Variants in WDTC1 observed in about 807,000 individuals in gnomAD.
The protein encoded by WDTC1 is WD and tetratricopeptide repeats protein 1.
Under a neutral mutation model 76.0 loss-of-function variants are expected in WDTC1, and 12 were observed. The ratio of observed to expected loss-of-function variants is 0.16; its 90% CI spans 0.10 to 0.26. The LOEUF is 0.26. WDTC1 is among the 10% of genes least tolerant of loss of function. WDTC1 has a pLI of 1.00. For synonymous variants in WDTC1, 326 were observed against 350.8 expected, an observed-to-expected ratio of 0.93 and a Z score of 0.79; for missense variants, 511 against 908.8, an observed-to-expected ratio of 0.56 and a Z score of 5.63.
At position 27,276,075 on chromosome 1, in the gene WDTC1, A is replaced by G. The variant is rs1000013999; in HGVS notation, c.133-6164A>G. On this transcript the variant is annotated intron_variant, in intron 3 of 15. Transcript: ENST00000319394. ...TCTGTACTTCTCTTTTTTGCGGCCA[A>G]ATAGCATTCCATCATTTGGATGTAC... 9.9e-5 allele frequency among the ~76,000 whole-genome samples: 15 copies of G among 152,274 alleles called. 1 individual carries two copies. The highest frequency in any genetic ancestry group is 6.8e-3 in the Middle Eastern group (2 of 294).
At chr1:27,240,166 C>G (rs1428688524) in intron 1 of WDTC1, among the ~76,000 whole-genome samples, 6 of 152,168 alleles carry the variant, frequency 3.9e-5, no homozygotes, top group Non-Finnish European at 8.8e-5. Context: ...GCTGGGATTA[C>G]AGGCATGAGC....
intron 5 of WDTC1, among the ~76,000 whole-genome samples, chr1:27,283,830 C>T (rs1358746550): frequency 6.6e-6 from 1 of 152,172 alleles, no homozygotes; most frequent in Non-Finnish European, 1.5e-5. Flanking sequence ...AAAAAGGAAG[C>T]AGCGAAGGAA....
In WDTC1 at chr1:27,282,294, G is replaced by A; in HGVS notation, c.179+9G>A. The stretch of plus-strand genomic sequence containing the variant: ...TGGAATGAGAAAGGAGAGTAAGTAT[G>A]AGCTAGAGCACCTGAAGGGTGCTGG... On this transcript the variant is annotated intron_variant, in intron 4 of 15. Coordinates refer to ENST00000319394, the MANE Select transcript of WDTC1 (RefSeq NM_001276252.2). 1.9e-6 allele frequency: 3 copies of A among 1,613,626 alleles called. No homozygotes were observed. Among genetic ancestry groups the A allele is most frequent in the Non-Finnish European group, 2.5e-6 (3 of 1,179,666 alleles).
chr1:27,243,573 CTCTG>C (rs1284619612), intron 1 of WDTC1, among the ~76,000 whole-genome samples: 3 of 152,088 alleles, frequency 2.0e-5, no homozygotes, highest in Non-Finnish European at 2.9e-5. Flanking sequence ...TAGGTTGACT[CTCTG>C]TCTAAGAACT....
At chr1:27,249,132 A>T (rs1222594797) in intron 1 of WDTC1, among the ~76,000 whole-genome samples, 1 of 151,984 alleles carries the variant, frequency 6.6e-6, no homozygotes, top group East Asian at 1.9e-4. Flanking sequence ...AGCCGAGCAT[A>T]ATGGTGCATG....
intron 5 of WDTC1, among the ~76,000 whole-genome samples, chr1:27,284,181 C>T (rs1260530575): frequency 2.0e-5 from 3 of 152,136 alleles, no homozygotes; most frequent in Admixed American, 1.3e-4. Flanking sequence ...AAAGAAAGAA[C>T]TGTCTAATGC....
chr1:27,266,583 T>C (rs1402319199), intron 3 of WDTC1, among the ~76,000 whole-genome samples: 1 of 152,204 alleles, frequency 6.6e-6, no homozygotes, highest in East Asian at 1.9e-4. Flanking sequence ...CTGCTATTAT[T>C]GTTGTTATTT....
Position 27,304,995 on chromosome 1 carries a change from C to A in WDTC1, c.1644-6C>A. 1 of 1,609,120 alleles carries A rather than the reference C, an allele frequency of 6.2e-7. No individual in the cohort carries two copies. The highest frequency in any genetic ancestry group is 8.5e-7 in the Non-Finnish European group (1 of 1,176,430). On this transcript the variant is annotated splice_polypyrimidine_tract_variant and splice_region_variant and intron_variant, in intron 14 of 15. Transcript: ENST00000319394. The stretch of plus-strand genomic sequence containing the variant: ...CTGACCTCCCTGCCCTTTGCCCCCC[C>A]GCCAGCAACGCTCAGTATATCGTCA...
intron 3 of WDTC1, among the ~76,000 whole-genome samples, chr1:27,263,791 T>G (rs2012563971): frequency 6.6e-6 from 1 of 152,162 alleles, no homozygotes; most frequent in East Asian, 1.9e-4. Flanking sequence ...CATACCACTA[T>G]TTTTACTATT....
chr1:27,295,915 G>A (rs2013670982), intron 9 of WDTC1, among the ~76,000 whole-genome samples: 2 of 151,994 alleles, frequency 1.3e-5, no homozygotes, highest in Admixed American at 1.3e-4. Flanking sequence ...ACAGGCACAC[G>A]CCACCACACC....
intron 5 of WDTC1, among the ~76,000 whole-genome samples, chr1:27,283,888 A>G (rs1179638449): frequency 6.6e-6 from 1 of 152,232 alleles, no homozygotes; most frequent in Non-Finnish European, 1.5e-5. Context: ...AGGAAATAAC[A>G]GTCTACAAGG....
Position 27,234,947 on chromosome 1 carries a change from G to T in WDTC1, c.-104G>T. 1 of 392,730 alleles carries T rather than the reference G, an allele frequency of 2.5e-6. No homozygotes were observed. The highest frequency in any genetic ancestry group is 4.5e-6 in the Non-Finnish European group (1 of 222,154). 24.3% of individuals were successfully genotyped at this position (392,730 alleles called of 1,614,324 possible). A position where few individuals can be genotyped will look rare whatever the true frequency, so the allele number is the denominator to read the frequency against. On this transcript the variant is annotated 5_prime_UTR_variant, in exon 1 of 16. Coordinates refer to ENST00000319394, the MANE Select transcript of WDTC1 (RefSeq NM_001276252.2). ...CGCTGCCGGTCGGGGGAAGAGACCT[G>T]ACAGGTACGGGTCACCGCCGCCCCC...
At position 27,260,989 on chromosome 1, in the gene WDTC1, G is replaced by T; in HGVS notation, c.-66G>T. On this transcript the variant is annotated 5_prime_UTR_variant, in exon 2 of 16. Transcript: ENST00000319394. The stretch of plus-strand genomic sequence containing the variant: ...ATGTGTATTTTGTGGACCTGGGCTT[G>T]GCTGGAATGCTCAGGGGTCCTGAAG... 1 of 1,566,014 alleles carries T rather than the reference G, an allele frequency of 6.4e-7. No homozygotes were observed.
chr1:27,285,744 ACC>A (rs989747267), intron 5 of WDTC1, among the ~76,000 whole-genome samples: 17 of 149,564 alleles, frequency 1.1e-4, no homozygotes, highest in African/African-American at 3.9e-4. Context: ...ACACCACCAC[ACC>A]CGGCTAATTT....
intron 3 of WDTC1, among the ~76,000 whole-genome samples, chr1:27,278,633 C>G (rs1370269499): frequency 1.3e-5 from 2 of 152,194 alleles, no homozygotes. Flanking sequence ...ATGCTCTAAC[C>G]ACATTGGCTT....
At chr1:27,261,689 A>G (rs1216119637) in intron 2 of WDTC1, among the ~76,000 whole-genome samples, 1 of 152,172 alleles carries the variant, frequency 6.6e-6, no homozygotes, top group Non-Finnish European at 1.5e-5. Context: ...ACATTAAACC[A>G]AGGCATGATG....
intron 1 of WDTC1, chr1:27,255,663 G>A (rs2012252453): frequency 6.6e-6 from 1 of 152,338 alleles, no homozygotes. Flanking sequence ...CTGCCTCCCA[G>A]GTTCACGCGA....
intron 3 of WDTC1, among the ~76,000 whole-genome samples, chr1:27,281,906 C>T (rs1365296291): frequency 6.6e-6 from 1 of 152,084 alleles, no homozygotes; most frequent in Non-Finnish European, 1.5e-5. Flanking sequence ...CTGACATACT[C>T]CTTCTAATGG....
intron 1 of WDTC1, among the ~76,000 whole-genome samples, chr1:27,244,252 G>T (rs1292494189): frequency 1.3e-5 from 2 of 152,098 alleles, no homozygotes; most frequent in Non-Finnish European, 2.9e-5. Context: ...CAGAAAATAG[G>T]TGTCAGAACT....
Sources: gnomAD v4.1 joint callset for allele counts (sites outside exome capture counted in the v4.1 genomes callset) on GRCh38, gnomAD v4.1.1 for gene constraint, MANE v1.5 for transcripts, NCBI Gene and HGNC (gene_info 2026-07-23, HGNC 2026-07-21) for gene names.